Variants in PTPRG observed in about 807,000 individuals in gnomAD.
The protein encoded by PTPRG is receptor-type tyrosine-protein phosphatase gamma.
A neutral mutation model predicts 165.3 loss-of-function variants in PTPRG; 102 were observed. The ratio of observed to expected loss-of-function variants is 0.62; its 90% CI spans 0.53 to 0.73. The LOEUF (loss-of-function observed/expected upper bound fraction) is 0.73, where lower values mean the gene tolerates loss of function less well. Ranked by LOEUF, PTPRG falls within the 30% of genes least tolerant of loss-of-function variation. The probability of loss-of-function intolerance (pLI) is 0.00; values close to 1 mark genes in which losing one functional copy is unlikely to be tolerated. For missense variants in PTPRG, 1,866 were observed against 1,861.4 expected (o/e 1.00, Z -0.05); for synonymous variants, 675 against 669.5 (o/e 1.01, Z -0.13).
chr3:62,051,005 A>G (rs927315842), intron 4 of PTPRG, among the ~76,000 whole-genome samples: 1 of 152,206 alleles, frequency 6.6e-6, no homozygotes, highest in Non-Finnish European at 1.5e-5. Context: ...AAGGGAAGGA[A>G]AAGAATTGTT....
At chr3:61,816,595 G>A (rs552555968) in intron 2 of PTPRG, among the ~76,000 whole-genome samples, 56 of 152,236 alleles carry the variant, frequency 3.7e-4, no homozygotes, top group Non-Finnish European at 6.8e-4. Context: ...GCTATCAGAT[G>A]GTTGCAGCTT....
chr3:62,127,166 G>A (rs1703323456), intron 5 of PTPRG, among the ~76,000 whole-genome samples: 1 of 152,192 alleles, frequency 6.6e-6, no homozygotes, highest in Non-Finnish European at 1.5e-5. Context: ...AATAAAGGAA[G>A]CCAGGCAGTG....
chr3:62,033,491 G>T (rs1255567206), intron 4 of PTPRG, among the ~76,000 whole-genome samples: 1 of 150,178 alleles, frequency 6.7e-6, no homozygotes, highest in Admixed American at 6.7e-5. Context: ...AGCCTCGCAA[G>T]TAGCTAGGAC....
intron 2 of PTPRG, among the ~76,000 whole-genome samples, chr3:61,848,256 C>T (rs566726292): frequency 1.1e-4 from 17 of 152,302 alleles, no homozygotes; most frequent in African/African-American, 4.1e-4. Flanking sequence ...TCTCGCCATG[C>T]CCCCACCTTC....
At chr3:61,706,511 G>A (rs1278159608) in intron 1 of PTPRG, among the ~76,000 whole-genome samples, 1 of 128,342 alleles carries the variant, frequency 7.8e-6, no homozygotes, top group Non-Finnish European at 1.6e-5. Flanking sequence ...TTTTTTTTTC[G>A]AGATGAAGTC....
intron 4 of PTPRG, among the ~76,000 whole-genome samples, chr3:62,064,721 ATTTTTTTT>A (rs35605831): frequency 8.4e-4 from 53 of 62,934 alleles, no homozygotes; most frequent in African/African-American, 2.7e-3. Flanking sequence ...GGTTATTTGG[ATTTTTTTT>A]TTTTTTTTTT....
chr3:62,146,935 T>C (rs1190110538), intron 6 of PTPRG, among the ~76,000 whole-genome samples: 1 of 152,208 alleles, frequency 6.6e-6, no homozygotes, highest in Non-Finnish European at 1.5e-5. Flanking sequence ...CTTTTAGCCA[T>C]GTATGAAAGA....
At chr3:61,655,538 C>T (rs1298157349) in intron 1 of PTPRG, among the ~76,000 whole-genome samples, 1 of 152,142 alleles carries the variant, frequency 6.6e-6, no homozygotes, top group African/African-American at 2.4e-5. Flanking sequence ...GTAACTTTTT[C>T]TTGAAGATAT....
chr3:62,053,182 T>C (rs1035843241), intron 4 of PTPRG, among the ~76,000 whole-genome samples: 3 of 152,176 alleles, frequency 2.0e-5, no homozygotes, highest in Non-Finnish European at 2.9e-5. Flanking sequence ...ATAGACTGTA[T>C]TTATATTTAT....
intron 3 of PTPRG, among the ~76,000 whole-genome samples, chr3:61,991,334 T>C (rs1433080893): frequency 6.6e-6 from 1 of 152,216 alleles, no homozygotes; most frequent in Non-Finnish European, 1.5e-5. Flanking sequence ...GCCTCCCAAG[T>C]AGCTGGGATT....
rs1699778765 is a variant in PTPRG at position 62,190,427 on chromosome 3, C to T, written c.1034-1042C>T. On this transcript the variant is annotated intron_variant, in intron 8 of 29. Transcript: ENST00000474889. The surrounding 1 kb of genome is among the most constrained non-coding windows in gnomAD (Gnocchi z 5.2). Reference sequence around the variant, plus strand: ...CCCCTGAGAAAGCACACATTTCCGGCTGACTGGATTGGACCTGTTGAGCAT... The same window carrying T: ...CCCCTGAGAAAGCACACATTTCCGGTTGACTGGATTGGACCTGTTGAGCAT... Among the ~76,000 whole-genome samples, 1 of 152,200 alleles carries T rather than the reference C, an allele frequency of 6.6e-6. No homozygotes were observed. The highest frequency in any genetic ancestry group is 6.5e-5 in the Admixed American group (1 of 15,282).
intron 2 of PTPRG, among the ~76,000 whole-genome samples, chr3:61,850,514 A>AT: frequency 6.6e-6 from 1 of 152,128 alleles, no homozygotes; most frequent in South Asian, 2.1e-4. Flanking sequence ...TTTTGTGTGT[A>AT]TGTGTGTATA....
intron 1 of PTPRG, among the ~76,000 whole-genome samples, chr3:61,733,179 T>G (rs915551862): frequency 3.3e-5 from 5 of 152,206 alleles, no homozygotes; most frequent in African/African-American, 1.2e-4. Flanking sequence ...AGGTCAAAGG[T>G]CACTTTGTAT....
At chr3:61,575,332 T>C (rs1559509036) in intron 1 of PTPRG, among the ~76,000 whole-genome samples, 1 of 152,032 alleles carries the variant, frequency 6.6e-6, no homozygotes, top group African/African-American at 2.4e-5. Context: ...AACCTTTAAA[T>C]GGGGTTGAGG....
At chr3:61,924,731 GT>G (rs1301099297) in intron 2 of PTPRG, among the ~76,000 whole-genome samples, 1 of 152,212 alleles carries the variant, frequency 6.6e-6, no homozygotes, top group Non-Finnish European at 1.5e-5. Flanking sequence ...GATAGCAAAT[GT>G]TTTAGGCTTG....
In PTPRG at chr3:62,185,140, C is replaced by G. The variant is rs564839739; in HGVS notation, c.1034-6329C>G. 5.9e-5 allele frequency among the ~76,000 whole-genome samples: 9 copies of G among 152,096 alleles called. No individual in the cohort carries two copies. In the East Asian group the frequency reaches 1.7e-3, roughly 30 times the overall value. On this transcript the variant is annotated intron_variant, in intron 8 of 29. Coordinates refer to ENST00000474889, the MANE Select transcript of PTPRG (RefSeq NM_002841.4). ...GAAGACTCTTCATTACTTAAGGAAG[C>G]CTGGGATCATAATTAAAGGTGGTTC...
chr3:61,903,530 A>C (rs565269852), intron 2 of PTPRG, among the ~76,000 whole-genome samples: 1 of 152,136 alleles, frequency 6.6e-6, no homozygotes, highest in Non-Finnish European at 1.5e-5. Context: ...CCTACCACTA[A>C]GCCTGGCTAA....
intron 2 of PTPRG, among the ~76,000 whole-genome samples, chr3:61,981,882 A>G (rs1018640183): frequency 1.3e-5 from 2 of 152,254 alleles, no homozygotes; most frequent in Admixed American, 6.5e-5. Context: ...AATACGTGAC[A>G]TGACTGTCCC....
At chr3:62,010,054 G>A (rs1303981726) in intron 4 of PTPRG, among the ~76,000 whole-genome samples, 12 of 152,004 alleles carry the variant, frequency 7.9e-5, no homozygotes, top group Admixed American at 5.9e-4. Flanking sequence ...AGTAGCTGGG[G>A]CTACAACCAC....
Sources: allele counts gnomAD v4.1 joint callset (sites outside exome capture counted in the v4.1 genomes callset), GRCh38; gene constraint gnomAD v4.1.1; non-coding constraint Gnocchi (gnomAD v3.1); transcripts MANE v1.5; gene names NCBI Gene and HGNC (gene_info 2026-07-23, HGNC 2026-07-21).